The following ABLIM2 variants were observed in gnomAD, a reference collection of about 807,000 sequenced individuals.
ABLIM2 encodes actin binding LIM protein family member 2.
A neutral mutation model predicts 97.7 loss-of-function variants in ABLIM2; 53 were observed. The ratio of observed to expected loss-of-function variants is 0.54; its 90% CI spans 0.44 to 0.68. ABLIM2 has a LOEUF of 0.68. ABLIM2 is among the 30% of genes least tolerant of loss of function. The pLI, the probability that ABLIM2 is intolerant of heterozygous loss-of-function variation, is 0.00. For synonymous variants in ABLIM2, 361 were observed against 345.8 expected, an observed-to-expected ratio of 1.04 and a Z score of -0.49; for missense variants, 835 against 867.2, an observed-to-expected ratio of 0.96 and a Z score of 0.47.
rs568935078 is a variant in ABLIM2 at position 8,058,816 on chromosome 4, T to A, written c.763+2151A>T. Among the ~76,000 whole-genome samples the A allele has an allele frequency of 3.9e-5, 6 of 152,272 alleles. No homozygotes were observed. The highest frequency in any genetic ancestry group is 2.0e-4 in the Admixed American group (3 of 15,304). ...TACTGCAAAATCAGTCTGGCAGGAA[T>A]CCCCTGGCCTAGAAGCCTAATCTCC... On this transcript the variant is annotated intron_variant, in intron 7 of 20. Coordinates refer to ENST00000447017, the MANE Select transcript of ABLIM2 (RefSeq NM_001130083.2). This position sits in a 1 kb window ranked among gnomAD's most constrained non-coding sequence, Gnocchi z 4.2.
intron 1 of ABLIM2, among the ~76,000 whole-genome samples, chr4:8,118,900 G>T (rs376257180): frequency 2.0e-5 from 3 of 152,198 alleles, no homozygotes; most frequent in African/African-American, 7.2e-5. Flanking sequence ...GCCCTTCTTT[G>T]CACCCTAACT....
Position 8,003,584 on chromosome 4 carries a change from G to A in ABLIM2, c.1618+4475C>T, listed in dbSNP as rs1204467835. On this transcript the variant is annotated intron_variant, in intron 16 of 20. Coordinates refer to ENST00000447017, the MANE Select transcript of ABLIM2 (RefSeq NM_001130083.2). This position sits in a 1 kb window ranked among gnomAD's most constrained non-coding sequence, Gnocchi z 4.2. ...TTCTTTTTTTTTTTTTTTTTTTTTG[G>A]AGATGGAGTCTCGCTCTGTCGCCCA... Among the ~76,000 whole-genome samples the A allele has an allele frequency of 7.4e-6, 1 of 135,896 alleles. No homozygotes were observed. The highest frequency in any genetic ancestry group is 7.4e-5 in the Admixed American group (1 of 13,470). The allele number at this position is 135,896 out of a possible 152,430, so 89.2% of individuals were successfully genotyped here.
At chr4:8,151,001 A>G (rs895366178) in intron 1 of ABLIM2, among the ~76,000 whole-genome samples, 1 of 152,190 alleles carries the variant, frequency 6.6e-6, no homozygotes, top group African/African-American at 2.4e-5. Context: ...TGCCGTGCCC[A>G]GGCCCTTGAC....
At chr4:8,151,479 C>T (rs1003345055) in intron 1 of ABLIM2, among the ~76,000 whole-genome samples, 7 of 152,256 alleles carry the variant, frequency 4.6e-5, no homozygotes, top group East Asian at 1.9e-4. Context: ...AATCCACAGG[C>T]GGCAAGGCAC....
intron 9 of ABLIM2, among the ~76,000 whole-genome samples, chr4:8,036,589 G>C (rs188522558): frequency 2.0e-4 from 31 of 152,292 alleles, no homozygotes; most frequent in Admixed American, 1.9e-3. Context: ...AAAGCACAGG[G>C]AACTCCAGAG....
chr4:8,116,487 T>C (rs1255845158), intron 1 of ABLIM2, among the ~76,000 whole-genome samples: 2 of 152,206 alleles, frequency 1.3e-5, no homozygotes, highest in South Asian at 2.1e-4. Flanking sequence ...GGGTTTCCAC[T>C]TGGGGACCCT....
chr4:8,078,837 C>G (rs1044268117), intron 5 of ABLIM2, among the ~76,000 whole-genome samples: 2 of 152,254 alleles, frequency 1.3e-5, no homozygotes, highest in African/African-American at 4.8e-5. Context: ...GTCCTCTCAG[C>G]CCCGGCCAGA....
rs1014301394 is a variant in ABLIM2 at position 8,071,268 on chromosome 4, T to C, written c.675+6360A>G. On this transcript the variant is annotated intron_variant, in intron 6 of 20. Coordinates refer to ENST00000447017, the MANE Select transcript of ABLIM2 (RefSeq NM_001130083.2). The surrounding 1 kb of genome is among the most constrained non-coding windows in gnomAD (Gnocchi z 6.2). Reference sequence around the variant, plus strand: ...TGCCTCCCCCATCCCTAGCCAGCCATCCCGGCCCAGGAGTGGGACACAGAT... The same window carrying C: ...TGCCTCCCCCATCCCTAGCCAGCCACCCCGGCCCAGGAGTGGGACACAGAT... Among the ~76,000 whole-genome samples the C allele has an allele frequency of 5.3e-5, 8 of 152,002 alleles. No individual in the cohort carries two copies. Among genetic ancestry groups the C allele is most frequent in the Non-Finnish European group, 7.4e-5 (5 of 67,974 alleles).
In ABLIM2 at chr4:8,020,192, C is replaced by G; in HGVS notation, c.1369+10G>C. 1 of 1,610,794 alleles carries G rather than the reference C, an allele frequency of 6.2e-7. No individual in the cohort carries two copies. Among genetic ancestry groups the G allele is most frequent in the Non-Finnish European group, 8.5e-7 (1 of 1,178,250 alleles). ...TGTAAGGAGCCCAGCCAGCGTGTCCCGGAGCCTACCTGGGACGTGGAAGTG... is the reference window on the plus strand; with the variant it reads ...TGTAAGGAGCCCAGCCAGCGTGTCCGGGAGCCTACCTGGGACGTGGAAGTG... On this transcript the variant is annotated intron_variant, in intron 13 of 20. Transcript: ENST00000447017.
In ABLIM2 at chr4:8,046,326, G is replaced by A. The variant is rs1191287574; in HGVS notation, c.823-1085C>T. ...CTGTCCCTCCCCACCTGCAGGGCAG[G>A]GGCCTCTCCTGGTTCAGCTCTCACT... is the stretch of plus-strand genomic sequence containing the variant. On this transcript the variant is annotated intron_variant, in intron 8 of 20. Transcript: ENST00000447017. This position sits in a 1 kb window ranked among gnomAD's most constrained non-coding sequence, Gnocchi z 4.4. Among the ~76,000 whole-genome samples, 14 of 152,000 alleles carry A rather than the reference G, an allele frequency of 9.2e-5. No homozygotes were observed. Among genetic ancestry groups the A allele is most frequent in the Non-Finnish European group, 1.5e-4 (10 of 67,990 alleles).
At chr4:8,060,200 G>A (rs761999867) in intron 7 of ABLIM2, among the ~76,000 whole-genome samples, 5 of 152,148 alleles carry the variant, frequency 3.3e-5, no homozygotes, top group Non-Finnish European at 7.3e-5. Context: ...AAGGGTAGCC[G>A]AATGCCGCCA....
At position 8,001,922 on chromosome 4, in the gene ABLIM2, G is replaced by C. The variant is rs1028635154; in HGVS notation, c.1618+6137C>G. 1.5e-4 allele frequency among the ~76,000 whole-genome samples: 23 copies of C among 152,162 alleles called. No individual in the cohort carries two copies. The highest frequency in any genetic ancestry group is 5.6e-4 in the African/African-American group (23 of 41,436). ...TGCCCGCTTGTCAGCACACACATGT[G>C]CGTGCTCTCTCTCTCTTTTTCTTGC... is the stretch of plus-strand genomic sequence containing the variant. On this transcript the variant is annotated intron_variant, in intron 16 of 20. Transcript: ENST00000447017. The surrounding 1 kb of genome is among the most constrained non-coding windows in gnomAD (Gnocchi z 4.2).
chr4:8,029,410 C>T (rs1306664326), intron 11 of ABLIM2, among the ~76,000 whole-genome samples: 4 of 152,144 alleles, frequency 2.6e-5, no homozygotes, highest in Admixed American at 6.5e-5. Context: ...CGGAGGGCTC[C>T]GCTAACCAGC....
chr4:8,119,078 T>C (rs10002315), intron 1 of ABLIM2, among the ~76,000 whole-genome samples: 85,353 of 151,982 alleles, frequency 0.56, 25,378 homozygotes, highest in South Asian at 0.73. Context: ...CCAGGGATCC[T>C]CTAGAGACCT....
At chr4:8,101,261 CAG>C (rs1834443635) in intron 2 of ABLIM2, among the ~76,000 whole-genome samples, 1 of 152,206 alleles carries the variant, frequency 6.6e-6, no homozygotes, top group Non-Finnish European at 1.5e-5. Flanking sequence ...CTGTGAATAA[CAG>C]GGGGATGAGG....
At chr4:7,987,896 T>A (rs529555692) in intron 17 of ABLIM2, among the ~76,000 whole-genome samples, 2 of 152,176 alleles carry the variant, frequency 1.3e-5, no homozygotes, top group African/African-American at 4.8e-5. Flanking sequence ...GAGAGCTAAG[T>A]GGCCAGAGGG....
rs1028176836 is a variant in ABLIM2 at position 8,113,118 on chromosome 4, A to G, written c.11-6481T>C. Among the ~76,000 whole-genome samples, 2 of 152,140 alleles carry G rather than the reference A, an allele frequency of 1.3e-5. No individual in the cohort carries two copies. Among genetic ancestry groups the G allele is most frequent in the Non-Finnish European group, 1.5e-5 (1 of 68,024 alleles). On this transcript the variant is annotated intron_variant, in intron 1 of 20. Transcript: ENST00000447017. This position sits in a 1 kb window ranked among gnomAD's most constrained non-coding sequence, Gnocchi z 4.5. ...GGAATCTTTTTTCTTCTCCTGAGGC[A>G]GGGTCTCGCTCTGTCAACCAGGCTG...
chr4:8,010,469 C>T (rs1407096328), intron 14 of ABLIM2: 19 of 985,882 alleles, frequency 1.9e-5, no homozygotes, highest in African/African-American at 1.7e-4. Context: ...TGTCTTTTGC[C>T]GTACCCTGCC....
chr4:8,027,096 C>G (rs1365595190), intron 12 of ABLIM2, among the ~76,000 whole-genome samples: 1 of 152,164 alleles, frequency 6.6e-6, no homozygotes. Context: ...CTGAGGACCT[C>G]ATCTAACTGA....
Sources: allele counts gnomAD v4.1 joint callset (sites outside exome capture counted in the v4.1 genomes callset), GRCh38; gene constraint gnomAD v4.1.1; non-coding constraint Gnocchi (gnomAD v3.1); transcripts MANE v1.5; gene names NCBI Gene and HGNC (gene_info 2026-07-23, HGNC 2026-07-21).